Variants in ITGA8 observed in about 807,000 individuals in gnomAD.
The protein encoded by ITGA8 is integrin alpha-8.
In ITGA8, 91 loss-of-function variants were observed where a neutral mutation model predicts 142.3. That is an observed-to-expected ratio of 0.64 (90% CI 0.54 to 0.76). The LOEUF (loss-of-function observed/expected upper bound fraction) is 0.76. Among genes scored for constraint, ITGA8 ranks in the 30% least tolerant of loss-of-function variants. ITGA8 has a pLI of 0.00. For missense variants in ITGA8, 1,406 were observed against 1,327.7 expected, an observed-to-expected ratio of 1.06 and a Z score of -0.92; for synonymous variants, 505 against 485.2, an observed-to-expected ratio of 1.04 and a Z score of -0.54.
At chr10:15,527,321 T>G (rs1406585237) in intron 28 of ITGA8, among the ~76,000 whole-genome samples, 1 of 152,206 alleles carries the variant, frequency 6.6e-6, no homozygotes, top group East Asian at 1.9e-4. Flanking sequence ...GTTCACAGTT[T>G]ACATATGAGT....
chr10:15,704,057 A>G (rs536212003), intron 2 of ITGA8, among the ~76,000 whole-genome samples: 4 of 152,236 alleles, frequency 2.6e-5, no homozygotes, highest in Admixed American at 2.0e-4. Context: ...TAACCAAGCC[A>G]GAACCTTGGA....
At chr10:15,545,581 T>C (rs1833653606) in intron 27 of ITGA8, among the ~76,000 whole-genome samples, 1 of 152,252 alleles carries the variant, frequency 6.6e-6, no homozygotes, top group South Asian at 2.1e-4. Flanking sequence ...CTTCGTTTCT[T>C]GCTAAATGTC....
chr10:15,572,203 A>T lies in ITGA8; in HGVS notation c.2637+8T>A, dbSNP rs1034164467. Reference sequence around the variant, plus strand: ...TCAACAAAGCCACTGATTAGACCAGACTCCTACCTTTATATCCTGTGGATT... The same window carrying T: ...TCAACAAAGCCACTGATTAGACCAGTCTCCTACCTTTATATCCTGTGGATT... On this transcript the variant is annotated splice_region_variant and intron_variant, in intron 25 of 29. Coordinates refer to ENST00000378076, the MANE Select transcript of ITGA8 (RefSeq NM_003638.3). The T allele has an allele frequency of 2.5e-6, 4 of 1,607,874 alleles. No individual in the cohort carries two copies. In the African/African-American group the frequency reaches 5.4e-5, roughly 22 times the overall value.
intron 10 of ITGA8, among the ~76,000 whole-genome samples, chr10:15,656,909 A>G (rs979644059): frequency 1.1e-4 from 16 of 152,200 alleles, no homozygotes; most frequent in African/African-American, 2.9e-4. Flanking sequence ...TTGCTGTTCT[A>G]TCTGAACTTT....
chr10:15,683,168 A>G (rs1248202508), intron 4 of ITGA8, among the ~76,000 whole-genome samples: 1 of 152,164 alleles, frequency 6.6e-6, no homozygotes, highest in Non-Finnish European at 1.5e-5. Flanking sequence ...TATCAACAAG[A>G]ATGAAAATCC....
chr10:15,590,200 T>A (rs1588661956), intron 22 of ITGA8, among the ~76,000 whole-genome samples: 1 of 152,220 alleles, frequency 6.6e-6, no homozygotes, highest in East Asian at 1.9e-4. Flanking sequence ...TGAGTAGAAA[T>A]GGAATGTAAT....
At chr10:15,601,512 A>G (rs1833103775) in intron 20 of ITGA8, among the ~76,000 whole-genome samples, 1 of 152,226 alleles carries the variant, frequency 6.6e-6, no homozygotes, top group African/African-American at 2.4e-5. Context: ...TGGTTGCACT[A>G]CCACGTAAAT....
chr10:15,640,909 G>C (rs1232003888), intron 13 of ITGA8, among the ~76,000 whole-genome samples: 1 of 152,156 alleles, frequency 6.6e-6, no homozygotes, highest in Non-Finnish European at 1.5e-5. Context: ...ATGCCCCAAA[G>C]GCCACAAGGG....
At chr10:15,542,879 C>T (rs1259157498) in intron 27 of ITGA8, among the ~76,000 whole-genome samples, 1 of 152,168 alleles carries the variant, frequency 6.6e-6, no homozygotes, top group African/African-American at 2.4e-5. Context: ...ATGGCGATCA[C>T]TCAATAGTAA....
intron 24 of ITGA8, among the ~76,000 whole-genome samples, 155 bp downstream of exon 24, chr10:15,575,334 G>A (rs1834265219): frequency 6.6e-6 from 1 of 152,148 alleles, no homozygotes; most frequent in Non-Finnish European, 1.5e-5. Flanking sequence ...AGGCTGCAGT[G>A]AGCTGTGATT....
intron 26 of ITGA8, among the ~76,000 whole-genome samples, chr10:15,552,936 T>A (rs530411707): frequency 1.3e-5 from 2 of 152,370 alleles, no homozygotes; most frequent in South Asian, 4.1e-4. Context: ...CCTACTGTTA[T>A]GTTTCTTAAA....
intron 2 of ITGA8, among the ~76,000 whole-genome samples, chr10:15,711,657 C>A (rs144686446): frequency 4.6e-5 from 7 of 151,980 alleles, no homozygotes; most frequent in African/African-American, 7.3e-5. Flanking sequence ...AACCTCCCCC[C>A]CAAAAGATTC....
chr10:15,692,290 G>T (rs1248076359), intron 2 of ITGA8, among the ~76,000 whole-genome samples: 1 of 151,816 alleles, frequency 6.6e-6, no homozygotes, highest in Non-Finnish European at 1.5e-5. Flanking sequence ...ATATAGAGGG[G>T]GATTTCTCTT....
At chr10:15,669,110 G>A (rs551114592) in intron 8 of ITGA8, among the ~76,000 whole-genome samples, 2 of 152,312 alleles carry the variant, frequency 1.3e-5, no homozygotes, top group African/African-American at 2.4e-5. Flanking sequence ...ATCCTGCAGA[G>A]TGTTTTCCAA....
chr10:15,592,618 T>C (rs1293194473), intron 21 of ITGA8, among the ~76,000 whole-genome samples: 1 of 152,220 alleles, frequency 6.6e-6, no homozygotes, highest in Non-Finnish European at 1.5e-5. Context: ...ATTGATTGAT[T>C]GATTGAGACA....
chr10:15,595,611 C>T (rs1374978630), intron 21 of ITGA8, among the ~76,000 whole-genome samples: 1 of 152,184 alleles, frequency 6.6e-6, no homozygotes, highest in Non-Finnish European at 1.5e-5. Context: ...ATACTGGTGG[C>T]CAGTTTTGTT....
At chr10:15,604,455 G>T in intron 19 of ITGA8, 100 bp from the exon 20 acceptor site, 2 of 930,480 alleles carry the variant, frequency 2.1e-6, no homozygotes, top group Non-Finnish European at 3.1e-6. Context: ...AAAATGGCAA[G>T]TGCAAAAAAA....
Position 15,607,733 on chromosome 10 carries a change from G to A in ITGA8, c.1708C>T (p.Leu570Phe), listed in dbSNP as rs775507258. The A allele has an allele frequency of 2.5e-6, 4 of 1,613,884 alleles. No homozygotes were observed. The highest frequency in any genetic ancestry group is 1.7e-4 in the Middle Eastern group (1 of 6,058). ...TGGGATTTCTGCCTTTTTATCACAA[G>A]AGGGAAGACGCGATGAGCCTGATGG... is the stretch of plus-strand genomic sequence containing the variant. ...DNHQAHRVFPLVIKRQKSHQC... is the reference protein window; with the variant it reads ...DNHQAHRVFPFVIKRQKSHQC... Residue 570 changes from leucine to phenylalanine, a missense_variant, in exon 17 of 30, where the codon CTT (leucine) becomes TTT (phenylalanine). Transcript: ENST00000378076.
intron 22 of ITGA8, among the ~76,000 whole-genome samples, chr10:15,587,389 A>T (rs1180582899): frequency 6.6e-6 from 1 of 152,244 alleles, no homozygotes; most frequent in Non-Finnish European, 1.5e-5. Flanking sequence ...GCTAATAAAG[A>T]GAAGAACTGG....
Sources: allele counts gnomAD v4.1 joint callset (sites outside exome capture counted in the v4.1 genomes callset), GRCh38; gene constraint gnomAD v4.1.1; transcripts MANE v1.5; gene names NCBI Gene and HGNC (gene_info 2026-07-23, HGNC 2026-07-21).